The following GRM7 variants were observed in gnomAD, a reference collection of about 807,000 sequenced individuals.
GRM7 encodes glutamate metabotropic receptor 7, also known as metabotropic glutamate receptor 7.
In GRM7, 35 loss-of-function variants were observed where a neutral mutation model predicts 84.5. That is an observed-to-expected ratio of 0.41 (90% confidence interval 0.32 to 0.55). GRM7 has a LOEUF of 0.55. Ranked by LOEUF, GRM7 falls within the 20% of genes least tolerant of loss-of-function variation. The probability of loss-of-function intolerance (pLI) is 0.19; values close to 1 mark genes in which losing one functional copy is unlikely to be tolerated. For synonymous variants in GRM7, 487 were observed against 455.1 expected, an observed-to-expected ratio of 1.07 and a Z score of -0.89; for missense variants, 1,003 against 1,194.6, an observed-to-expected ratio of 0.84 and a Z score of 2.36.
At chr3:7,194,873 C>T (rs1233369361) in intron 2 of GRM7, among the ~76,000 whole-genome samples, 2 of 152,118 alleles carry the variant, frequency 1.3e-5, no homozygotes, top group African/African-American at 4.8e-5. Context: ...ACAGCACTTA[C>T]TGCTTTACGA....
intron 1 of GRM7, among the ~76,000 whole-genome samples, chr3:6,894,288 A>G (rs1176407359): frequency 6.6e-6 from 1 of 152,172 alleles, no homozygotes; most frequent in Non-Finnish European, 1.5e-5. Context: ...GAATCTCCAA[A>G]GTAAATTTTA....
At chr3:7,613,649 A>T (rs1411720552) in intron 8 of GRM7, among the ~76,000 whole-genome samples, 2 of 152,024 alleles carry the variant, frequency 1.3e-5, no homozygotes, top group African/African-American at 4.8e-5. Context: ...AACACATATG[A>T]CCCCTTCCTG....
Position 7,105,955 on chromosome 3 carries a change from T to C in GRM7, c.520-40497T>C, listed in dbSNP as rs908733371. 9.2e-5 allele frequency among the ~76,000 whole-genome samples: 14 copies of C among 152,014 alleles called. No homozygotes were observed. In the South Asian group the frequency reaches 1.9e-3, roughly 20 times the overall value. Reference sequence around the variant, plus strand: ...CATTTGGAATTTATATTGGTATTTATTGATACTTTTTCTTCACAATTCAAA... The same window carrying C: ...CATTTGGAATTTATATTGGTATTTACTGATACTTTTTCTTCACAATTCAAA... On this transcript the variant is annotated intron_variant, in intron 1 of 9. Transcript: ENST00000357716.
chr3:6,882,714 T>A (rs73124753), intron 1 of GRM7, among the ~76,000 whole-genome samples: 3 of 152,138 alleles, frequency 2.0e-5, no homozygotes, highest in African/African-American at 7.2e-5. Flanking sequence ...AAAAATGTTT[T>A]GTATCTTTTT....
intron 7 of GRM7, among the ~76,000 whole-genome samples, chr3:7,468,622 C>G (rs891259611): frequency 9.9e-5 from 15 of 152,156 alleles, no homozygotes; most frequent in Non-Finnish European, 2.1e-4. Context: ...TGTGCCCCCA[C>G]CCAAATCTCA....
At chr3:6,927,455 AAGAG>A (rs141330905) in intron 1 of GRM7, among the ~76,000 whole-genome samples, 3 of 101,684 alleles carry the variant, frequency 3.0e-5, no homozygotes, top group Non-Finnish European at 4.3e-5. Context: ...AGAAGAAAGA[AAGAG>A]AGAGAGAAAG....
intron 8 of GRM7, among the ~76,000 whole-genome samples, chr3:7,613,878 C>T (rs1396369537): frequency 6.6e-6 from 1 of 152,036 alleles, no homozygotes; most frequent in Non-Finnish European, 1.5e-5. Flanking sequence ...GTTTTGATAC[C>T]ACTGTTGTTT....
At chr3:7,064,339 G>A (rs1433336746) in intron 1 of GRM7, among the ~76,000 whole-genome samples, 1 of 150,162 alleles carries the variant, frequency 6.7e-6, no homozygotes, top group African/African-American at 2.4e-5. Flanking sequence ...ATGACATTTG[G>A]TTTTCCATTG....
At chr3:7,228,819 G>T (rs956483390) in intron 2 of GRM7, among the ~76,000 whole-genome samples, 1 of 152,060 alleles carries the variant, frequency 6.6e-6, no homozygotes, top group African/African-American at 2.4e-5. Context: ...AGATAAAATT[G>T]GTTCCTATAT....
rs1698863955 is a variant in GRM7, at chr3:7,475,011, G to C, written c.1515+13289G>C. On this transcript the variant is annotated intron_variant, in intron 7 of 9. Transcript: ENST00000357716. ...CACAGCTTTCTGGCCAATAGGTGTG[G>C]ATTCCTTACAAACTCCTCAACAAAT... 2.6e-5 allele frequency among the ~76,000 whole-genome samples: 4 copies of C among 152,166 alleles called. No individual in the cohort carries two copies. The South Asian group carries it at 8.3e-4, about 31-fold the overall frequency.
At chr3:7,618,592 C>T (rs1697217872) in intron 8 of GRM7, among the ~76,000 whole-genome samples, 1 of 152,052 alleles carries the variant, frequency 6.6e-6, no homozygotes, top group African/African-American at 2.4e-5. Context: ...CCAATCATCA[C>T]AAATTGAGTG....
intron 7 of GRM7, among the ~76,000 whole-genome samples, chr3:7,474,008 C>A (rs954225216): frequency 5.9e-5 from 9 of 152,118 alleles, no homozygotes; most frequent in African/African-American, 1.2e-4. Context: ...AAGTTAGAAT[C>A]TTTTAATCTA....
At chr3:7,388,554 A>C (rs74479310) in intron 4 of GRM7, among the ~76,000 whole-genome samples, 4,341 of 152,150 alleles carry the variant, frequency 0.029, 209 homozygotes, top group African/African-American at 0.099. Context: ...GAATTTGGCT[A>C]TGAATCTGTC....
chr3:7,314,078 A>G (rs567629749), intron 4 of GRM7, among the ~76,000 whole-genome samples: 3 of 152,198 alleles, frequency 2.0e-5, no homozygotes, highest in Non-Finnish European at 4.4e-5. Flanking sequence ...TTAGACATCA[A>G]TTATATTATT....
At chr3:7,030,561 G>A (rs996095775) in intron 1 of GRM7, among the ~76,000 whole-genome samples, 39 of 152,090 alleles carry the variant, frequency 2.6e-4, no homozygotes, top group African/African-American at 8.0e-4. Flanking sequence ...ATATGTATAG[G>A]CTGGCCTTCT....
chr3:7,267,050 A>G (rs1020824935), intron 2 of GRM7, among the ~76,000 whole-genome samples: 1 of 152,188 alleles, frequency 6.6e-6, no homozygotes, highest in African/African-American at 2.4e-5. Context: ...GTGCTTTTGT[A>G]TGTTGTTTTG....
chr3:7,591,002 G>A (rs1695756783), intron 8 of GRM7, among the ~76,000 whole-genome samples: 1 of 152,162 alleles, frequency 6.6e-6, no homozygotes, highest in Non-Finnish European at 1.5e-5. Context: ...AAATCCCTGT[G>A]GATTGGATGG....
chr3:7,040,297 C>T (rs9810792), intron 1 of GRM7, among the ~76,000 whole-genome samples: 3,581 of 149,056 alleles, frequency 0.024, 119 homozygotes, highest in African/African-American at 0.088. Context: ...CCTTGTCTGT[C>T]TCTGTAAACT....
intron 1 of GRM7, among the ~76,000 whole-genome samples, chr3:6,955,258 G>A (rs141339595): frequency 3.0e-3 from 453 of 152,244 alleles, no homozygotes; most frequent in African/African-American, 0.01. Flanking sequence ...AATGACGGCC[G>A]GGGCTGGTGG....
Sources: allele counts gnomAD v4.1 joint callset (sites outside exome capture counted in the v4.1 genomes callset), GRCh38; gene constraint gnomAD v4.1.1; transcripts MANE v1.5; gene names NCBI Gene and HGNC (gene_info 2026-07-23, HGNC 2026-07-21).